FAM227B: variants seen among roughly 807,000 people sequenced by gnomAD.
The protein encoded by FAM227B is protein FAM227B.
FAM227B carries 88 observed loss-of-function variants against 73.8 expected under a neutral mutation model. That is an observed-to-expected ratio of 1.19 (90% CI 1.00 to 1.42). The LOEUF (loss-of-function observed/expected upper bound fraction) is 1.42. Among genes scored for constraint, FAM227B ranks in the 40% most tolerant of loss-of-function variants. FAM227B has a pLI of 0.00. For missense variants in FAM227B, 632 were observed against 590.9 expected (o/e 1.07, Z -0.72); for synonymous variants, 210 against 190.5 (o/e 1.10, Z -0.84).
intron 3 of FAM227B, among the ~76,000 whole-genome samples, chr15:49,603,342 A>G (rs2077321805): frequency 6.6e-6 from 1 of 151,898 alleles, no homozygotes; most frequent in African/African-American, 2.4e-5. Flanking sequence ...CATTGCAGAG[A>G]TATTTCACTT....
chr15:49,450,956 T>C (rs1277939039), intron 11 of FAM227B, among the ~76,000 whole-genome samples: 7 of 152,244 alleles, frequency 4.6e-5, no homozygotes, highest in Non-Finnish European at 1.5e-5. Context: ...CTTTGAATGC[T>C]CCTTCCCCCA....
chr15:49,398,262 T>C (rs78802344), intron 11 of FAM227B, among the ~76,000 whole-genome samples: 10,649 of 151,764 alleles, frequency 0.07, 457 homozygotes, highest in East Asian at 0.16. Context: ...GGCCATTACA[T>C]AATGGTAAAG....
chr15:49,424,770 T>G (rs2049982429), intron 11 of FAM227B: 2 of 449,988 alleles, frequency 4.4e-6, no homozygotes, highest in Admixed American at 7.5e-5. Context: ...AGGGCAAATC[T>G]ACTTACATTA....
intron 15 of FAM227B, chr15:49,330,188 A>C (rs1017614401): frequency 1.3e-5 from 2 of 152,300 alleles, no homozygotes; most frequent in African/African-American, 4.8e-5. Context: ...CTATGGGTAT[A>C]GGCAAACATG....
intron 11 of FAM227B, among the ~76,000 whole-genome samples, chr15:49,444,868 G>C (rs531533901): frequency 6.6e-6 from 1 of 151,714 alleles, no homozygotes; most frequent in Non-Finnish European, 1.5e-5. Flanking sequence ...AATGCATAAA[G>C]TTTAGCCTCT....
At chr15:49,409,312 C>G (rs1162063778) in intron 11 of FAM227B, among the ~76,000 whole-genome samples, 1 of 151,972 alleles carries the variant, frequency 6.6e-6, no homozygotes, top group Non-Finnish European at 1.5e-5. Context: ...GAAAATAAAC[C>G]GTATGTTGAA....
chr15:49,376,911 ATTAAG>A (rs1280951700), intron 11 of FAM227B, among the ~76,000 whole-genome samples: 8 of 151,962 alleles, frequency 5.3e-5, no homozygotes, highest in Admixed American at 1.3e-4. Context: ...AAAATGTACA[ATTAAG>A]TTATTATTGA....
intron 11 of FAM227B, among the ~76,000 whole-genome samples, chr15:49,453,623 T>C (rs532126036): frequency 6.6e-6 from 1 of 152,300 alleles, no homozygotes; most frequent in East Asian, 1.9e-4. Flanking sequence ...GACAACCATA[T>C]TTTTCTGCTC....
At chr15:49,328,766 G>A in intron 15 of FAM227B, 91 bp from the exon 16 acceptor site, 1 of 1,401,152 alleles carries the variant, frequency 7.1e-7, no homozygotes, top group Non-Finnish European at 9.2e-7. Context: ...GTTATCAAGA[G>A]ACTAAGGATT....
intron 13 of FAM227B, among the ~76,000 whole-genome samples, chr15:49,357,617 G>C (rs1018445950): frequency 1.9e-4 from 28 of 150,214 alleles, no homozygotes; most frequent in Non-Finnish European, 1.3e-4. Flanking sequence ...ACCAAAAAGA[G>C]TCCAGGACCA....
chr15:49,353,456 A>G (rs2151318801), intron 13 of FAM227B: 1 of 152,276 alleles, frequency 6.6e-6, no homozygotes, highest in African/African-American at 2.4e-5. Flanking sequence ...CTACGTTGCC[A>G]CAGGATTTTT....
intron 11 of FAM227B, among the ~76,000 whole-genome samples, chr15:49,403,948 G>T (rs1172705611): frequency 6.6e-6 from 1 of 151,900 alleles, no homozygotes; most frequent in Non-Finnish European, 1.5e-5. Context: ...CAGAGATTCT[G>T]GTATGTTGCA....
chr15:49,518,215 TCCA>T, intron 10 of FAM227B, among the ~76,000 whole-genome samples: 1 of 152,194 alleles, frequency 6.6e-6, no homozygotes, highest in Non-Finnish European at 1.5e-5. Context: ...TTGGCAGTTG[TCCA>T]AAATTATTGT....
At chr15:49,569,266 T>TA (rs398118831) in intron 8 of FAM227B, among the ~76,000 whole-genome samples, 2 of 151,934 alleles carry the variant, frequency 1.3e-5, no homozygotes, top group Admixed American at 1.3e-4. Flanking sequence ...CCCTATTTTT[T>TA]AATAGTCATT....
At chr15:49,535,612 C>G (rs1367271887) in intron 10 of FAM227B, among the ~76,000 whole-genome samples, 1 of 151,690 alleles carries the variant, frequency 6.6e-6, no homozygotes, top group Non-Finnish European at 1.5e-5. Flanking sequence ...AGAGATATTA[C>G]AAGAAAACTA....
intron 11 of FAM227B, among the ~76,000 whole-genome samples, chr15:49,417,926 A>G (rs2049329219): frequency 1.3e-5 from 2 of 152,230 alleles, no homozygotes; most frequent in African/African-American, 4.8e-5. Context: ...AATGCATCTG[A>G]CAAAGATTTA....
Position 49,589,818 on chromosome 15 carries a change from T to G in FAM227B, c.295A>C (p.Thr99Pro). ...CTTTTCCACTTAAATATTTCAGAGG[T>G]GTGGTTTTGCAAAATAAGTGAATAT... Reference protein sequence around the residue: ...KEYSLILQNHTSEIFKWKSMI... With the variant: ...KEYSLILQNHPSEIFKWKSMI... The change falls in exon 4 of 16, where the codon ACC becomes CCC. Residue 99 changes from threonine (T) to proline (P), a missense_variant. Thr to Pro is a conservative substitution (Grantham distance 38, BLOSUM62 -1). Coordinates refer to ENST00000299338, the MANE Select transcript of FAM227B (RefSeq NM_152647.3). The G allele has an allele frequency of 6.2e-7, 1 of 1,605,852 alleles. No homozygotes were observed. The highest frequency in any genetic ancestry group is 8.5e-7 in the Non-Finnish European group (1 of 1,172,748).
chr15:49,412,505 T>A (rs556871214), intron 11 of FAM227B, among the ~76,000 whole-genome samples: 26 of 150,890 alleles, frequency 1.7e-4, no homozygotes, highest in Admixed American at 1.1e-3. Context: ...ATTCTTAAAA[T>A]TTTTTTTTTC....
At chr15:49,547,832 T>C (rs2072170660) in intron 9 of FAM227B, among the ~76,000 whole-genome samples, 1 of 152,200 alleles carries the variant, frequency 6.6e-6, no homozygotes. Flanking sequence ...AAACAATTAT[T>C]ACTAGGCACA....
Sources: allele counts gnomAD v4.1 joint callset (sites outside exome capture counted in the v4.1 genomes callset), GRCh38; gene constraint gnomAD v4.1.1; transcripts MANE v1.5; gene names NCBI Gene and HGNC (gene_info 2026-07-23, HGNC 2026-07-21).